FOXN3: variants seen among roughly 807,000 people sequenced by gnomAD.
FOXN3 encodes the protein forkhead box protein N3.
Under a neutral mutation model 38.4 loss-of-function variants are expected in FOXN3, and 7 were observed. The observed-to-expected ratio is 0.18, with a 90% CI of 0.10 to 0.34. FOXN3 has a LOEUF of 0.34. Ranked by LOEUF, FOXN3 falls within the 10% of genes least tolerant of loss-of-function variation. The pLI is 1.00. For synonymous variants in FOXN3, 230 were observed against 242.2 expected (o/e 0.95, Z 0.47); for missense variants, 456 against 613.4 (o/e 0.74, Z 2.71).
Position 89,455,617 on chromosome 14 carries a change from G to C in FOXN3, c.-14-43127C>G, listed in dbSNP as rs541371684. ...GCCGGCCACAGCCACGTAGCAGGCA[G>C]TCTCTTTGCAGTATCAGCTTCTTAT... is the stretch of plus-strand genomic sequence containing the variant. On this transcript the variant is annotated intron_variant, in intron 1 of 6. Transcript: ENST00000345097. Among the ~76,000 whole-genome samples the C allele has an allele frequency of 3.9e-5, 6 of 152,238 alleles. No individual in the cohort carries two copies. The East Asian group carries it at 1.2e-3, about 29-fold the overall frequency.
rs191533999 is a variant in FOXN3 at position 89,504,537 on chromosome 14, G to C, written c.-14-92047C>G. 3.2e-3 allele frequency among the ~76,000 whole-genome samples: 482 copies of C among 150,752 alleles called. 1 individual carries two copies. The highest frequency in any genetic ancestry group is 0.011 in the African/African-American group (451 of 40,938). On this transcript the variant is annotated intron_variant, in intron 1 of 6. Coordinates refer to the FOXN3 transcript ENST00000345097. The stretch of plus-strand genomic sequence containing the variant: ...TTGTGTAGAGCTGTGCTCTTCCCAG[G>C]GGCATTAGAGAAGGCCACAGTAAGG...
At chr14:89,583,670 CCTT>C (rs1265282285) in intron 1 of FOXN3, among the ~76,000 whole-genome samples, 1 of 152,172 alleles carries the variant, frequency 6.6e-6, no homozygotes, top group Non-Finnish European at 1.5e-5. Context: ...AAGCAATTCT[CCTT>C]CTCAGCTTCC....
chr14:89,376,021 G>A (rs991915875), intron 2 of FOXN3, among the ~76,000 whole-genome samples: 18 of 152,222 alleles, frequency 1.2e-4, no homozygotes, highest in African/African-American at 3.9e-4. Context: ...GACCTCAAAT[G>A]ATCCACCTGC....
intron 3 of FOXN3, among the ~76,000 whole-genome samples, chr14:89,295,405 C>T (rs907225996): frequency 6.6e-6 from 1 of 152,178 alleles, no homozygotes; most frequent in Non-Finnish European, 1.5e-5. Context: ...GTATGTGTGT[C>T]TCACCTTACC....
chr14:89,428,676 G>A (rs975845717), intron 1 of FOXN3, among the ~76,000 whole-genome samples: 5 of 152,240 alleles, frequency 3.3e-5, no homozygotes, highest in South Asian at 4.1e-4. Flanking sequence ...TATGGGTCCC[G>A]GAGGGGGTGC....
rs182676784 is a variant in FOXN3, at chr14:89,541,906, T to C, written c.-15+77122A>G. Among the ~76,000 whole-genome samples the C allele has an allele frequency of 2.1e-3, 326 of 152,234 alleles. 1 individual carries two copies. The highest frequency in any genetic ancestry group is 7.2e-3 in the African/African-American group (298 of 41,540). The stretch of plus-strand genomic sequence containing the variant: ...TACAAAAGGTCCCTTGCATCAGCAA[T>C]ATTCTAAGATTACTCAGGAAAATAT... On this transcript the variant is annotated intron_variant, in intron 1 of 6. Coordinates refer to the FOXN3 transcript ENST00000345097.
At chr14:89,422,203 G>A (rs1028336846), upstream of FOXN3, among the ~76,000 whole-genome samples, 3 of 152,240 alleles carry the variant, frequency 2.0e-5, no homozygotes, top group African/African-American at 4.8e-5. Flanking sequence ...AGGGGGTTGA[G>A]GGGGCGTCCA....
At chr14:89,460,302 C>T (rs12434960) in intron 1 of FOXN3, among the ~76,000 whole-genome samples, 49,205 of 151,868 alleles carry the variant, frequency 0.32, 8,415 homozygotes, top group Non-Finnish European at 0.4. Context: ...CCTTTTCTGG[C>T]GCATGGGTGC....
At chr14:89,416,635 G>A (rs1371251380) in intron 1 of FOXN3, among the ~76,000 whole-genome samples, 2 of 152,092 alleles carry the variant, frequency 1.3e-5, no homozygotes, top group East Asian at 3.9e-4. Flanking sequence ...GCGTCTTTTC[G>A]GAAACCGAGG....
At chr14:89,419,092 T>A (rs1566649723), upstream of FOXN3, 1 of 456,002 alleles carries the variant, frequency 2.2e-6, no homozygotes, top group East Asian at 6.9e-5. Context: ...ATGGAATATG[T>A]CATTCCATGT....
intron 3 of FOXN3, among the ~76,000 whole-genome samples, chr14:89,303,873 CACTAAATTA>C (rs1436580185): frequency 6.6e-6 from 1 of 152,178 alleles, no homozygotes; most frequent in Admixed American, 6.5e-5. Flanking sequence ...GGCAACCAAG[CACTAAATTA>C]ACACTGCCCT....
intron 1 of FOXN3, among the ~76,000 whole-genome samples, chr14:89,605,659 T>A (rs1378008649): frequency 1.3e-5 from 2 of 152,142 alleles, no homozygotes; most frequent in African/African-American, 4.8e-5. Context: ...GCAGCTTAAA[T>A]ATTAGAACAT....
chr14:89,576,871 G>A (rs1419408053), intron 1 of FOXN3: 1 of 152,174 alleles, frequency 6.6e-6, no homozygotes, highest in Non-Finnish European at 1.5e-5. Context: ...CAAAGAATTG[G>A]ATACTAGCAC....
intron 1 of FOXN3, among the ~76,000 whole-genome samples, chr14:89,414,758 G>C (rs1301252184): frequency 6.6e-6 from 1 of 151,876 alleles, no homozygotes; most frequent in Non-Finnish European, 1.5e-5. Context: ...TCACCATGTT[G>C]GCCAGGATGG....
chr14:89,529,594 T>G (rs886498031), intron 1 of FOXN3, among the ~76,000 whole-genome samples: 1 of 152,230 alleles, frequency 6.6e-6, no homozygotes, highest in African/African-American at 2.4e-5. Flanking sequence ...TTTCAAATGT[T>G]TATCATCTAA....
chr14:89,438,617 T>C (rs111969796), intron 1 of FOXN3, among the ~76,000 whole-genome samples: 53 of 152,308 alleles, frequency 3.5e-4, no homozygotes, highest in African/African-American at 1.3e-3. Context: ...TAATGTAACA[T>C]ATCAAACAGA....
intron 1 of FOXN3, among the ~76,000 whole-genome samples, chr14:89,511,241 TC>T (rs1566681212): frequency 0.024 from 628 of 25,684 alleles, 110 homozygotes; most frequent in Middle Eastern, 0.059. Flanking sequence ...TCTTTCCTTT[TC>T]TTTCTTTTCT....
chr14:89,473,472 T>C (rs570845320), intron 1 of FOXN3, among the ~76,000 whole-genome samples: 5 of 151,880 alleles, frequency 3.3e-5, no homozygotes, highest in Non-Finnish European at 7.4e-5. Context: ...CAACCAAACT[T>C]CTGTGTGGTG....
intron 4 of FOXN3, among the ~76,000 whole-genome samples, chr14:89,246,702 C>T (rs889168068): frequency 6.6e-6 from 1 of 151,964 alleles, no homozygotes. Flanking sequence ...CCACGCCTGG[C>T]TAATTTTTTG....
Sources: gnomAD v4.1 joint callset for allele counts (sites outside exome capture counted in the v4.1 genomes callset) on GRCh38, gnomAD v4.1.1 for gene constraint, MANE v1.5 for transcripts, NCBI Gene and HGNC (gene_info 2026-07-23, HGNC 2026-07-21) for gene names.